Variants in PDIA5 observed in about 807,000 individuals in gnomAD.
The protein encoded by PDIA5 is protein disulfide isomerase family A member 5.
PDIA5 carries 58 observed loss-of-function variants against 77.6 expected under a neutral mutation model. The observed-to-expected ratio is 0.75, with a 90% CI of 0.61 to 0.93. The LOEUF is 0.93. PDIA5 is among the 40% of genes least tolerant of loss of function. The pLI, the probability that PDIA5 is intolerant of heterozygous loss-of-function variation, is 0.00. For missense variants in PDIA5, 630 were observed against 647.7 expected (o/e 0.97, Z 0.30); for synonymous variants, 250 against 252.1 (o/e 0.99, Z 0.08).
chr3:123,108,291 T>C (rs926092807), intron 6 of PDIA5, among the ~76,000 whole-genome samples: 5 of 151,436 alleles, frequency 3.3e-5, no homozygotes, highest in Non-Finnish European at 7.4e-5. Context: ...CTTTTTTTTT[T>C]TTTTTTTGAG....
At chr3:123,069,157 C>T (rs1365060131) in intron 1 of PDIA5, among the ~76,000 whole-genome samples, 1 of 152,110 alleles carries the variant, frequency 6.6e-6, no homozygotes, top group South Asian at 2.1e-4. Context: ...TGCTGGACAG[C>T]GCGTTGGGTC....
At chr3:123,131,026 C>G (rs1459435250) in intron 11 of PDIA5, among the ~76,000 whole-genome samples, 1 of 152,176 alleles carries the variant, frequency 6.6e-6, no homozygotes, top group Non-Finnish European at 1.5e-5. Context: ...AATCCCAGCA[C>G]TTTGGGAGGT....
chr3:123,091,401 G>T (rs1162777511), intron 2 of PDIA5, among the ~76,000 whole-genome samples: 1 of 152,156 alleles, frequency 6.6e-6, no homozygotes, highest in African/African-American at 2.4e-5. Context: ...ACAAGTCTTT[G>T]TCTGGCAGGC....
intron 8 of PDIA5, among the ~76,000 whole-genome samples, chr3:123,118,947 C>T (rs1318809192): frequency 4.6e-5 from 7 of 152,166 alleles, no homozygotes; most frequent in Admixed American, 2.6e-4. Context: ...AAAGACCACT[C>T]GTGTTCAGAA....
chr3:123,155,154 A>C, intron 15 of PDIA5, 113 bp downstream of exon 15: 1 of 758,376 alleles, frequency 1.3e-6, no homozygotes. Context: ...ACCTGTAAGC[A>C]GGAAATTCCT....
chr3:123,082,701 A>G (rs904826963), intron 1 of PDIA5, among the ~76,000 whole-genome samples: 2 of 151,992 alleles, frequency 1.3e-5, no homozygotes, highest in African/African-American at 4.8e-5. Flanking sequence ...TAATAAAGAG[A>G]AGTGCAATTA....
At chr3:123,147,030 C>T (rs562935256) in intron 13 of PDIA5, among the ~76,000 whole-genome samples, 21 of 152,190 alleles carry the variant, frequency 1.4e-4, no homozygotes, top group South Asian at 4.2e-4. Flanking sequence ...AGGCTGGTCT[C>T]GAACTCCTGA....
At chr3:123,140,749 T>G (rs886815970) in intron 11 of PDIA5, among the ~76,000 whole-genome samples, 3 of 151,976 alleles carry the variant, frequency 2.0e-5, no homozygotes, top group Non-Finnish European at 4.4e-5. Context: ...TGCGATAGAG[T>G]GTGGAAGCCC....
intron 15 of PDIA5, among the ~76,000 whole-genome samples, chr3:123,161,012 AC>A (rs1260539241): frequency 2.0e-5 from 3 of 152,138 alleles, no homozygotes; most frequent in Non-Finnish European, 4.4e-5. Context: ...GCACCACAGA[AC>A]CTGTGGTGTT....
In PDIA5 at chr3:123,124,326, T is replaced by G; in HGVS notation, c.756T>G (p.Ile252Met). 6.2e-7 allele frequency: 1 copy of G among 1,613,196 alleles called. No individual in the cohort carries two copies. Among genetic ancestry groups the G allele is most frequent in the Non-Finnish European group, 8.5e-7 (1 of 1,179,168 alleles). Residue 252 changes from isoleucine (I) to methionine (M), a missense_variant, in exon 10 of 17, where the codon ATT becomes ATG. Ile to Met is a conservative substitution (Grantham distance 10). Transcript: ENST00000316218. Reference sequence around the variant, plus strand: ...ACTATGGGTCCACAGCTGAGGACATTGTGGAGTGGCTGAAGAAGTAAGTGG... The same window carrying G: ...ACTATGGGTCCACAGCTGAGGACATGGTGGAGTGGCTGAAGAAGTAAGTGG... ...YDNYGSTAED[I>M]VEWLKNPQPP...
intron 8 of PDIA5, among the ~76,000 whole-genome samples, chr3:123,118,770 C>T (rs947126744): frequency 2.6e-5 from 4 of 152,106 alleles, no homozygotes; most frequent in African/African-American, 4.8e-5. Context: ...CAGTATATGC[C>T]GATGAATGAA....
intron 3 of PDIA5, among the ~76,000 whole-genome samples, chr3:123,093,588 G>A (rs553435782): frequency 1.6e-4 from 24 of 152,302 alleles, no homozygotes; most frequent in South Asian, 8.3e-4. Context: ...CTTAGTTGTT[G>A]TCTCCACCTG....
intron 1 of PDIA5, among the ~76,000 whole-genome samples, chr3:123,071,306 G>T (rs535892912): frequency 2.6e-5 from 4 of 152,148 alleles, no homozygotes; most frequent in Middle Eastern, 6.8e-3. Context: ...AATGTAAATC[G>T]GGTTCTTCCC....
intron 13 of PDIA5, 124 bp downstream of exon 13, chr3:123,146,383 G>A (rs376105147): frequency 1.2e-4 from 97 of 779,708 alleles, no homozygotes; most frequent in African/African-American, 9.8e-4. Context: ...GAGTCAAGAC[G>A]GATCTGACTT....
chr3:123,143,386 CAA>C (rs34525470), intron 11 of PDIA5, among the ~76,000 whole-genome samples: 9 of 101,902 alleles, frequency 8.8e-5, no homozygotes, highest in Admixed American at 1.1e-4. Flanking sequence ...GACTCCATCT[CAA>C]AAAAAAAAAA....
At chr3:123,139,008 C>A (rs1372257004) in intron 11 of PDIA5, among the ~76,000 whole-genome samples, 1 of 152,116 alleles carries the variant, frequency 6.6e-6, no homozygotes, top group Non-Finnish European at 1.5e-5. Context: ...CAGACGAATC[C>A]GAGGGCTTTG....
intron 11 of PDIA5, among the ~76,000 whole-genome samples, chr3:123,131,997 A>T (rs1288894863): frequency 2.0e-5 from 3 of 152,088 alleles, no homozygotes; most frequent in African/African-American, 7.2e-5. Context: ...ATCAGGAGGA[A>T]ATGTTATTAC....
At chr3:123,115,586 G>T (rs1313551872) in intron 7 of PDIA5, among the ~76,000 whole-genome samples, 1 of 152,202 alleles carries the variant, frequency 6.6e-6, no homozygotes, top group Non-Finnish European at 1.5e-5. Flanking sequence ...GAGAGAGGAG[G>T]TGACTTCTCC....
chr3:123,120,854 C>A (rs1048816705), intron 8 of PDIA5, among the ~76,000 whole-genome samples: 1 of 152,092 alleles, frequency 6.6e-6, no homozygotes, highest in Non-Finnish European at 1.5e-5. Context: ...CCTCATGCAC[C>A]CTTCATCCTC....
Sources: allele counts gnomAD v4.1 joint callset (sites outside exome capture counted in the v4.1 genomes callset), GRCh38; gene constraint gnomAD v4.1.1; transcripts MANE v1.5; gene names NCBI Gene and HGNC (gene_info 2026-07-23, HGNC 2026-07-21).